MAP4K4: variants seen among roughly 807,000 people sequenced by gnomAD.
MAP4K4 encodes HPK/GCK-like kinase HGK.
In MAP4K4, 38 loss-of-function variants were observed where a neutral mutation model predicts 189.6. That is an observed-to-expected ratio of 0.20 (90% CI 0.15 to 0.26). The LOEUF is 0.26. Ranked by LOEUF, MAP4K4 falls within the 10% of genes least tolerant of loss-of-function variation. The pLI is 1.00. For missense variants in MAP4K4, 1,054 were observed against 1,726.9 expected, an observed-to-expected ratio of 0.61 and a Z score of 6.91; for synonymous variants, 610 against 624.3, an observed-to-expected ratio of 0.98 and a Z score of 0.34.
At chr2:101,810,373 A>G (rs181025497) in intron 3 of MAP4K4, among the ~76,000 whole-genome samples, 17 of 152,256 alleles carry the variant, frequency 1.1e-4, no homozygotes, top group Non-Finnish European at 2.4e-4. Context: ...TATTTGCATT[A>G]TATATTATGA....
chr2:101,792,786 C>A (rs141633537), intron 3 of MAP4K4, among the ~76,000 whole-genome samples: 1 of 152,252 alleles, frequency 6.6e-6, no homozygotes, highest in African/African-American at 2.4e-5. Flanking sequence ...CAGGCTCCCA[C>A]TGCCACCCCT....
chr2:101,785,350 G>T (rs2090105563), intron 2 of MAP4K4, among the ~76,000 whole-genome samples: 1 of 152,200 alleles, frequency 6.6e-6, no homozygotes, highest in South Asian at 2.1e-4. Flanking sequence ...CCATTTAATA[G>T]CAAGGCTCTG....
chr2:101,704,078 T>G (rs1311718388), intron 2 of MAP4K4, among the ~76,000 whole-genome samples: 20 of 152,140 alleles, frequency 1.3e-4, no homozygotes, highest in Non-Finnish European at 1.0e-4. Context: ...TGTGAGGGAT[T>G]CTCTAAGTGT....
intron 2 of MAP4K4, among the ~76,000 whole-genome samples, 168 bp downstream of exon 2, chr2:101,698,706 A>G (rs187513059): frequency 8.6e-4 from 131 of 152,268 alleles, no homozygotes; most frequent in African/African-American, 2.9e-3. Flanking sequence ...CACCGAGTTT[A>G]TATTCAGACT....
At chr2:101,825,571 C>G in intron 5 of MAP4K4, 142 bp downstream of exon 5, 1 of 482,666 alleles carries the variant, frequency 2.1e-6, no homozygotes, top group Non-Finnish European at 3.7e-6. Context: ...GTATATCTAG[C>G]TAGCTTTGAT....
rs1359607875 is a variant in MAP4K4 at position 101,852,150 on chromosome 2, G to T, written c.1234-3827G>T. 2.6e-3 allele frequency among the ~76,000 whole-genome samples: 372 copies of T among 145,656 alleles called. 2 individuals are homozygous for T. Among genetic ancestry groups the T allele is most frequent in the Middle Eastern group, 3.5e-3 (1 of 284 alleles). On this transcript the variant is annotated intron_variant, in intron 12 of 32. Transcript: ENST00000324219. ...CATAAAGGAGGTGTTTTTTTTTTTT[G>T]TTTTTATTAGTATGAGGCACTACCC...
At chr2:101,802,585 G>T (rs1184173754) in intron 3 of MAP4K4, among the ~76,000 whole-genome samples, 1 of 151,986 alleles carries the variant, frequency 6.6e-6, no homozygotes, top group Admixed American at 6.6e-5. Context: ...ACTCCCTCAC[G>T]GCTGCCCAGC....
intron 3 of MAP4K4, among the ~76,000 whole-genome samples, chr2:101,823,258 C>T (rs1576279083): frequency 6.6e-6 from 1 of 152,298 alleles, no homozygotes; most frequent in Non-Finnish European, 1.5e-5. Flanking sequence ...TTCCTCTGCT[C>T]ATCTTATTTC....
chr2:101,801,663 G>C (rs2094389070), intron 3 of MAP4K4, among the ~76,000 whole-genome samples: 1 of 152,188 alleles, frequency 6.6e-6, no homozygotes, highest in Non-Finnish European at 1.5e-5. Context: ...CAAAATCCCA[G>C]ATGCCAGCCA....
rs2097845626 is a variant in MAP4K4 at position 101,867,319 on chromosome 2, G to T, written c.2454+10G>T. The T allele has an allele frequency of 6.3e-7, 1 of 1,592,062 alleles. No homozygotes were observed. The highest frequency in any genetic ancestry group is 8.6e-7 in the Non-Finnish European group (1 of 1,166,258). On this transcript the variant is annotated intron_variant, in intron 20 of 32. Transcript: ENST00000324219. Reference sequence around the variant, plus strand: ...ACCCCTCAAGCCTGCTGTAAGGATTGTGCAGGATCAGTTTTACTTATTTCA... The same window carrying T: ...ACCCCTCAAGCCTGCTGTAAGGATTTTGCAGGATCAGTTTTACTTATTTCA...
At chr2:101,726,559 C>T (rs962612525) in intron 2 of MAP4K4, among the ~76,000 whole-genome samples, 15 of 151,878 alleles carry the variant, frequency 9.9e-5, no homozygotes, top group African/African-American at 3.6e-4. Context: ...AGTAAGTGGC[C>T]CTCAGTTTAC....
At chr2:101,844,429 C>T (rs2097024108) in intron 12 of MAP4K4, 118 bp downstream of exon 12, 3 of 778,708 alleles carry the variant, frequency 3.9e-6, no homozygotes, top group South Asian at 1.9e-5. Context: ...TATCCCCTGG[C>T]ACAGCTGTTT....
At chr2:101,813,022 G>A (rs1451345287) in intron 3 of MAP4K4, among the ~76,000 whole-genome samples, 10 of 152,228 alleles carry the variant, frequency 6.6e-5, no homozygotes, top group African/African-American at 1.4e-4. Flanking sequence ...CCAGCTACTC[G>A]GGAGGCTGAG....
chr2:101,788,655 G>C (rs1433056856), intron 2 of MAP4K4, among the ~76,000 whole-genome samples: 1 of 152,130 alleles, frequency 6.6e-6, no homozygotes, highest in East Asian at 1.9e-4. Flanking sequence ...AAAAATAATT[G>C]ATTAGTTTTT....
intron 23 of MAP4K4, among the ~76,000 whole-genome samples, chr2:101,870,994 CT>C (rs370220421): frequency 4.6e-5 from 7 of 152,190 alleles, no homozygotes; most frequent in African/African-American, 1.7e-4. Flanking sequence ...TTATAACTGT[CT>C]GTTCATTTCT....
At chr2:101,746,069 C>A (rs1003020695) in intron 2 of MAP4K4, among the ~76,000 whole-genome samples, 1 of 151,796 alleles carries the variant, frequency 6.6e-6, no homozygotes, top group South Asian at 2.1e-4. Flanking sequence ...TAACTCACTG[C>A]AGCCTTGAAC....
intron 2 of MAP4K4, among the ~76,000 whole-genome samples, chr2:101,715,747 C>T (rs1482233177): frequency 6.6e-6 from 1 of 152,090 alleles, no homozygotes; most frequent in African/African-American, 2.4e-5. Flanking sequence ...ATCCAGGGGT[C>T]CCCGACTTCT....
At chr2:101,726,574 C>T (rs1450977268) in intron 2 of MAP4K4, among the ~76,000 whole-genome samples, 1 of 152,068 alleles carries the variant, frequency 6.6e-6, no homozygotes, top group Non-Finnish European at 1.5e-5. Context: ...GTTTACTTTT[C>T]TCTCCTGAAG....
At chr2:101,873,330 A>G (rs1047511250) in intron 24 of MAP4K4, among the ~76,000 whole-genome samples, 4 of 152,176 alleles carry the variant, frequency 2.6e-5, no homozygotes, top group African/African-American at 9.7e-5. Flanking sequence ...GAGTTTCATT[A>G]TAAGTATTTA....
Sources: gnomAD v4.1 joint callset for allele counts (sites outside exome capture counted in the v4.1 genomes callset) on GRCh38, gnomAD v4.1.1 for gene constraint, MANE v1.5 for transcripts, NCBI Gene and HGNC (gene_info 2026-07-23, HGNC 2026-07-21) for gene names.